The following LINC00632 variants were observed in gnomAD, a reference collection of about 807,000 sequenced individuals.
The protein encoded by LINC00632 is long independently transcribed non-coding RNA 632.
At chrX:140,742,861 GA>G (rs1931248919) in intron 3 of LINC00632, among the ~76,000 whole-genome samples, 2 of 94,164 alleles carry the variant, frequency 2.1e-5, no homozygotes, top group African/African-American at 4.3e-5. Context: ...GAGAGAGAGA[GA>G]GAGAGAGAGA....
chrX:140,749,036 A>G (rs1016152361), intron 3 of LINC00632, among the ~76,000 whole-genome samples: 4 of 110,282 alleles, frequency 3.6e-5, no homozygotes, highest in Non-Finnish European at 7.6e-5. Context: ...TTATTGGTCC[A>G]GTGAAATTAT....
exon 5 of LINC00632, among the ~76,000 whole-genome samples, chrX:140,787,117 T>A (rs1306246558): frequency 9.0e-6 from 1 of 111,511 alleles, no homozygotes; most frequent in Non-Finnish European, 1.9e-5. Flanking sequence ...TTCATCTTTT[T>A]TCTTGTACAT....
At chrX:140,761,508 CGAA>C (rs1931593685) in intron 3 of LINC00632, among the ~76,000 whole-genome samples, 2 of 112,262 alleles carry the variant, frequency 1.8e-5, no homozygotes, top group South Asian at 7.3e-4. Context: ...CTTACACTGT[CGAA>C]GCTCTAAGCA....
intron 2 of LINC00632, chrX:140,711,878 AT>A (rs376992196): frequency 4.7e-4 from 61 of 130,677 alleles, no homozygotes; most frequent in African/African-American, 1.9e-3. Context: ...ATTCACCTGT[AT>A]TTTTTTCTAG....
At chrX:140,764,870 C>G (rs1263588026) in intron 3 of LINC00632, among the ~76,000 whole-genome samples, 1 of 111,073 alleles carries the variant, frequency 9.0e-6, no homozygotes, top group Non-Finnish European at 1.9e-5. Flanking sequence ...TCCCGGCTTC[C>G]TCCTCCGGGC....
At chrX:140,776,698 G>C (rs1931877282) in exon 5 of LINC00632, among the ~76,000 whole-genome samples, 1 of 111,744 alleles carries the variant, frequency 8.9e-6, no homozygotes, top group African/African-American at 3.3e-5. Context: ...CGGTGGGAGT[G>C]TAAATTAGTT....
chrX:140,727,607 C>T (rs1367873857), intron 2 of LINC00632, among the ~76,000 whole-genome samples: 4 of 111,397 alleles, frequency 3.6e-5, no homozygotes, highest in Non-Finnish European at 7.5e-5. Context: ...ACAATTTTAC[C>T]TCACAGTGCA....
chrX:140,769,480 C>G (rs1052403259), intron 3 of LINC00632, among the ~76,000 whole-genome samples: 1 of 109,118 alleles, frequency 9.2e-6, no homozygotes, highest in African/African-American at 3.3e-5. Context: ...TCCACCCCAC[C>G]CCCCCCATGA....
exon 5 of LINC00632, chrX:140,784,204 C>A: frequency 3.3e-6 from 4 of 1,211,695 alleles, no homozygotes; most frequent in Non-Finnish European, 4.5e-6. Flanking sequence ...AGCAAATCCA[C>A]GTCTTCCAAC....
At chrX:140,715,462 G>A (rs747963767) in intron 2 of LINC00632, among the ~76,000 whole-genome samples, 11 of 110,321 alleles carry the variant, frequency 1.0e-4, no homozygotes, top group Non-Finnish European at 1.9e-4. Context: ...GGGCATGGTG[G>A]CACATGCTTG....
intron 2 of LINC00632, among the ~76,000 whole-genome samples, chrX:140,724,044 A>G (rs1032285053): frequency 1.5e-4 from 12 of 81,151 alleles, no homozygotes; most frequent in Non-Finnish European, 3.0e-4. Context: ...ACACACACAC[A>G]TTCTGTATGC....
rs192976851 is a variant in LINC00632, at chrX:140,763,116, C to G, written n.192-8962C>G. Among the ~76,000 whole-genome samples the G allele has an allele frequency of 8.8e-3, 990 of 112,031 alleles. 2 individuals are homozygous for G. The highest frequency in any genetic ancestry group is 0.013 in the Non-Finnish European group (682 of 53,214). ...TAGACAAAAAAATTCAAGTAGTAGG[C>G]CAGGCGCGGTGGCTCACGCCTGTAA... On this transcript the variant is annotated intron_variant and non_coding_transcript_variant, in intron 3 of 4. Transcript: ENST00000648200.
At chrX:140,732,095 T>G (rs1265185052) in intron 2 of LINC00632, among the ~76,000 whole-genome samples, 1 of 110,722 alleles carries the variant, frequency 9.0e-6, no homozygotes, top group Non-Finnish European at 1.9e-5. Context: ...TCCCAGCTAC[T>G]TGGGAGGCTG....
At chrX:140,759,294 TTCCTTCC>T (rs1569354222) in intron 3 of LINC00632, among the ~76,000 whole-genome samples, 29 of 28,672 alleles carry the variant, frequency 1.0e-3, no homozygotes, top group African/African-American at 3.3e-3. Flanking sequence ...CTTTCTTTCC[TTCCTTCC>T]TTCCTTCCTT....
intron 3 of LINC00632, among the ~76,000 whole-genome samples, chrX:140,762,209 A>AAG (rs35880613): frequency 0.038 from 2,531 of 67,062 alleles, 44 homozygotes; most frequent in South Asian, 0.054. Context: ...GTTTTTCGAA[A>AAG]AGAGAGAGAG....
intron 2 of LINC00632, among the ~76,000 whole-genome samples, chrX:140,729,611 A>G (rs1212486990): frequency 9.0e-6 from 1 of 111,052 alleles, no homozygotes; most frequent in African/African-American, 3.3e-5. Context: ...CACTCTGTAG[A>G]CTACCCGAGC....
chrX:140,719,196 C>T (rs868430375), intron 2 of LINC00632, among the ~76,000 whole-genome samples: 2 of 111,998 alleles, frequency 1.8e-5, no homozygotes, highest in Middle Eastern at 4.2e-3. Flanking sequence ...TCAGAATGCA[C>T]ATATATACTC....
chrX:140,738,998 T>C (rs1350000190), intron 3 of LINC00632, among the ~76,000 whole-genome samples: 1 of 111,572 alleles, frequency 9.0e-6, no homozygotes, highest in African/African-American at 3.3e-5. Flanking sequence ...AGTTTTTGGG[T>C]TTCCATATTG....
intron 2 of LINC00632, chrX:140,714,410 C>T (rs964731845): frequency 2.6e-5 from 3 of 114,639 alleles, no homozygotes; most frequent in African/African-American, 6.5e-5. Flanking sequence ...CAGAGACATG[C>T]AACGGTACAT....
Sources: gnomAD v4.1 joint callset for allele counts (sites outside exome capture counted in the v4.1 genomes callset) on GRCh38, gnomAD v4.1.1 for gene constraint, MANE v1.5 for transcripts, NCBI Gene and HGNC (gene_info 2026-07-23, HGNC 2026-07-21) for gene names.